Variants in TXLNB observed in about 807,000 individuals in gnomAD.
TXLNB encodes beta-taxilin.
In TXLNB, 37 loss-of-function variants were observed where a neutral mutation model predicts 57.4. The ratio of observed to expected loss-of-function variants is 0.64; its 90% CI spans 0.50 to 0.85. TXLNB has a LOEUF of 0.85. Among genes scored for constraint, TXLNB ranks in the 40% least tolerant of loss-of-function variants. The pLI, the probability that TXLNB is intolerant of heterozygous loss-of-function variation, is 0.00. For synonymous variants in TXLNB, 302 were observed against 309.6 expected, an observed-to-expected ratio of 0.98 and a Z score of 0.26; for missense variants, 848 against 825.6, an observed-to-expected ratio of 1.03 and a Z score of -0.33.
the TXLNB span, among the ~76,000 whole-genome samples, chr6:139,208,585 T>A: frequency 2.0e-5 from 3 of 152,170 alleles, no homozygotes; most frequent in African/African-American, 7.2e-5. Flanking sequence ...TTCAAAAACA[T>A]AATCCACCAT....
At chr6:139,254,173 A>C (rs768389350) in intron 7 of TXLNB, among the ~76,000 whole-genome samples, 14 of 152,312 alleles carry the variant, frequency 9.2e-5, no homozygotes, top group Middle Eastern at 3.4e-3. Context: ...ATAATTTATT[A>C]TTGCTTTGCT....
intron 7 of TXLNB, among the ~76,000 whole-genome samples, chr6:139,248,585 T>G (rs897413964): frequency 6.6e-6 from 1 of 152,220 alleles, no homozygotes; most frequent in African/African-American, 2.4e-5. Context: ...ACTACATGCA[T>G]GGACTGTATG....
chr6:139,212,287 A>G, the TXLNB span, among the ~76,000 whole-genome samples: 1 of 152,224 alleles, frequency 6.6e-6, no homozygotes, highest in African/African-American at 2.4e-5. Context: ...CTCTCAGCAG[A>G]AACTCTACAA....
At chr6:139,297,894 G>A in the TXLNB span, among the ~76,000 whole-genome samples, 1 of 152,108 alleles carries the variant, frequency 6.6e-6, no homozygotes, top group African/African-American at 2.4e-5. Flanking sequence ...GGCTAGATCT[G>A]GCTTGGGGTG....
chr6:139,307,370 G>A, the TXLNB span, among the ~76,000 whole-genome samples: 1 of 152,162 alleles, frequency 6.6e-6, no homozygotes, highest in Non-Finnish European at 1.5e-5. Flanking sequence ...TTTATTTTTT[G>A]TAGGAACAAG....
intron 2 of TXLNB, among the ~76,000 whole-genome samples, chr6:139,277,878 G>A (rs889328593): frequency 6.6e-6 from 1 of 152,120 alleles, no homozygotes; most frequent in Non-Finnish European, 1.5e-5. Context: ...TAAGAAAATT[G>A]ACAACCTTTC....
At chr6:139,258,224 T>C (rs532945597) in intron 6 of TXLNB, among the ~76,000 whole-genome samples, 1 of 152,298 alleles carries the variant, frequency 6.6e-6, no homozygotes, top group East Asian at 1.9e-4. Context: ...CAAATCTGTT[T>C]TGCTGAACCA....
the TXLNB span, among the ~76,000 whole-genome samples, chr6:139,163,014 G>T: frequency 6.6e-6 from 1 of 152,162 alleles, no homozygotes; most frequent in Non-Finnish European, 1.5e-5. Flanking sequence ...TCACCTCACT[G>T]TCTACCTCTG....
the TXLNB span, among the ~76,000 whole-genome samples, chr6:139,322,176 C>T: frequency 6.6e-6 from 1 of 152,140 alleles, no homozygotes; most frequent in African/African-American, 2.4e-5. Flanking sequence ...ATTATCACTG[C>T]TGGGTTGCAC....
chr6:139,225,546 G>T, the TXLNB span, among the ~76,000 whole-genome samples: 6 of 152,170 alleles, frequency 3.9e-5, no homozygotes, highest in African/African-American at 1.4e-4. Flanking sequence ...ATAATAGGAA[G>T]TGAAATTTAA....
chr6:139,189,053 G>A, the TXLNB span, among the ~76,000 whole-genome samples: 6 of 152,286 alleles, frequency 3.9e-5, no homozygotes, highest in South Asian at 2.1e-4. Flanking sequence ...CACCATGCCC[G>A]GCCCAGATTT....
the TXLNB span, among the ~76,000 whole-genome samples, chr6:139,173,368 A>C: frequency 1.3e-5 from 2 of 152,170 alleles, no homozygotes; most frequent in Non-Finnish European, 2.9e-5. Flanking sequence ...TCTTGCCCTC[A>C]AGGAGGAAGG....
At chr6:139,258,962 T>G (rs558209864) in intron 6 of TXLNB, among the ~76,000 whole-genome samples, 1 of 152,164 alleles carries the variant, frequency 6.6e-6, no homozygotes, top group Admixed American at 6.5e-5. Context: ...TAATGAGATA[T>G]CAATAAACAC....
the TXLNB span, among the ~76,000 whole-genome samples, chr6:139,322,614 TC>T: frequency 7.9e-4 from 120 of 152,252 alleles, no homozygotes; most frequent in Non-Finnish European, 1.5e-3. Context: ...TCCTTTTCCA[TC>T]CCACATCTGA....
Position 139,270,613 on chromosome 6 carries a change from C to T in TXLNB, c.530G>A (p.Arg177His), listed in dbSNP as rs143937098. Residue 177 changes from arginine (R) to histidine (H), a missense_variant, in exon 4 of 10, where the codon CGT becomes CAT. By Grantham distance (29) the Arg-to-His change is conservative (BLOSUM62 0). Transcript: ENST00000358430. ...KKYAELLDEH[R>H]TEQKKLKLLQ... ...GAGCTTTAACTTCTTTTGCTCAGTACGATGTTCATCCAGCTGTACACATGG... is the reference window on the plus strand; with the variant it reads ...GAGCTTTAACTTCTTTTGCTCAGTATGATGTTCATCCAGCTGTACACATGG... 9.3e-5 allele frequency: 150 copies of T among 1,613,736 alleles called. No homozygotes were observed. Among genetic ancestry groups the T allele is most frequent in the Middle Eastern group, 6.6e-4 (4 of 6,084 alleles).
In TXLNB at chr6:139,250,357, C is replaced by CTT. The variant is rs61441759; in HGVS notation, c.1078-2450_1078-2449dup. ...GTGTTTTTTCTTTCTTTCTTTCTTT[C>CTT]TTTTTTTTTTTTTTTTTTCAAAATA... is the stretch of plus-strand genomic sequence containing the variant. On this transcript the variant is annotated intron_variant, in intron 7 of 9. Coordinates refer to ENST00000358430, the MANE Select transcript of TXLNB (RefSeq NM_153235.4). Among the ~76,000 whole-genome samples, 256 of 118,880 alleles carry CTT rather than the reference C, an allele frequency of 2.2e-3. 2 individuals carry two copies. The highest frequency in any genetic ancestry group is 6.5e-3 in the African/African-American group (199 of 30,648). 78.0% of individuals were successfully genotyped at this position (118,880 alleles called of 152,430 possible).
At chr6:139,169,091 C>G in the TXLNB span, among the ~76,000 whole-genome samples, 174 of 152,244 alleles carry the variant, frequency 1.1e-3, no homozygotes, top group African/African-American at 4.1e-3. Flanking sequence ...TCTCTTGGCC[C>G]TTTGGCTCTA....
chr6:139,272,384 G>A (rs9495404), intron 3 of TXLNB, among the ~76,000 whole-genome samples: 6,330 of 152,016 alleles, frequency 0.042, 432 homozygotes, highest in African/African-American at 0.14. Context: ...CACTTTCTTC[G>A]GTTCACATTT....
intron 2 of TXLNB, among the ~76,000 whole-genome samples, chr6:139,285,299 CA>C (rs1562289365): frequency 4.4e-5 from 6 of 137,738 alleles, no homozygotes; most frequent in East Asian, 2.1e-4. Flanking sequence ...CACACACACA[CA>C]CACACCCCAA....
Sources: allele counts gnomAD v4.1 joint callset (sites outside exome capture counted in the v4.1 genomes callset), GRCh38; gene constraint gnomAD v4.1.1; transcripts MANE v1.5; gene names NCBI Gene and HGNC (gene_info 2026-07-23, HGNC 2026-07-21).